Variants in LPAR1 observed in about 807,000 individuals in gnomAD.
The protein encoded by LPAR1 is LPA receptor 1.
Under a neutral mutation model 23.8 loss-of-function variants are expected in LPAR1, and 5 were observed. The observed-to-expected ratio is 0.21, with a 90% CI of 0.11 to 0.44. LPAR1 has a LOEUF of 0.44. Among genes scored for constraint, LPAR1 ranks in the 20% least tolerant of loss-of-function variants. LPAR1 has a pLI of 0.99. For missense variants in LPAR1, 311 were observed against 482.8 expected (o/e 0.64, Z 3.33); for synonymous variants, 160 against 164.7 (o/e 0.97, Z 0.22).
At chr9:110,919,651 A>C (rs2093472572) in intron 5 of LPAR1, among the ~76,000 whole-genome samples, 1 of 152,170 alleles carries the variant, frequency 6.6e-6, no homozygotes, top group Non-Finnish European at 1.5e-5. Context: ...TTCTCACATC[A>C]CTTAGCCAAG....
At chr9:110,950,977 T>C (rs980782092) in intron 4 of LPAR1, among the ~76,000 whole-genome samples, 2 of 152,074 alleles carry the variant, frequency 1.3e-5, no homozygotes, top group Admixed American at 6.6e-5. Flanking sequence ...CATTTTAAAG[T>C]GATGGTAGTT....
chr9:110,961,130 G>A (rs1210778468), intron 4 of LPAR1, among the ~76,000 whole-genome samples: 1 of 150,470 alleles, frequency 6.6e-6, no homozygotes, highest in East Asian at 1.9e-4. Flanking sequence ...TGAGCTAAGA[G>A]ACAGCAATAA....
intron 2 of LPAR1, among the ~76,000 whole-genome samples, chr9:110,993,325 T>A (rs2096932962): frequency 6.6e-6 from 1 of 152,180 alleles, no homozygotes; most frequent in Admixed American, 6.5e-5. Flanking sequence ...CCTGCCTGTG[T>A]CCATGTGTTC....
At chr9:111,021,265 C>T (rs759243574) in intron 2 of LPAR1, among the ~76,000 whole-genome samples, 29 of 152,166 alleles carry the variant, frequency 1.9e-4, no homozygotes, top group Middle Eastern at 6.8e-3. Flanking sequence ...TGTATATCAC[C>T]ATCATAAGTA....
At chr9:110,953,646 A>G (rs1214493156) in intron 4 of LPAR1, among the ~76,000 whole-genome samples, 1 of 148,042 alleles carries the variant, frequency 6.8e-6, no homozygotes, top group African/African-American at 2.5e-5. Context: ...CTGGGCAACA[A>G]GAGTGAAACT....
At chr9:110,883,694 TTC>T in intron 5 of LPAR1, among the ~76,000 whole-genome samples, 1 of 151,954 alleles carries the variant, frequency 6.6e-6, no homozygotes, top group East Asian at 1.9e-4. Context: ...TTTCTTTTTA[TTC>T]TCTCTTTTGT....
rs1294844279 is a variant in LPAR1, at chr9:110,942,021, A to G, written c.193T>C (p.Leu65=). ...LGITVCIFIM[L]ANLLVMVAIY... ...GCCACCATGACCAATAGGTTGGCCAACATGATGAAGATACAAACAGTGATT... is the reference window on the plus strand; with the variant it reads ...GCCACCATGACCAATAGGTTGGCCAGCATGATGAAGATACAAACAGTGATT... Residue 65 remains leucine, a synonymous_variant, in exon 5 of 6, where the codon TTG becomes CTG. Coordinates refer to ENST00000683809, the MANE Select transcript of LPAR1 (RefSeq NM_001351411.2). 4 of 1,614,094 alleles carry G rather than the reference A, an allele frequency of 2.5e-6. No homozygotes were observed. The highest frequency in any genetic ancestry group is 4.5e-5 in the East Asian group (2 of 44,888).
At chr9:110,921,063 G>A (rs561130473) in intron 5 of LPAR1, among the ~76,000 whole-genome samples, 13 of 152,234 alleles carry the variant, frequency 8.5e-5, no homozygotes, top group Non-Finnish European at 1.6e-4. Flanking sequence ...TTGAGCCCAG[G>A]AGTTTGAAGC....
At chr9:110,890,366 A>G (rs2083725432) in intron 5 of LPAR1, among the ~76,000 whole-genome samples, 1 of 152,230 alleles carries the variant, frequency 6.6e-6, no homozygotes, top group South Asian at 2.1e-4. Context: ...CAAACCACTA[A>G]GGAACATATT....
At chr9:111,037,959 A>T (rs954939848) in intron 1 of LPAR1, 2 of 151,976 alleles carry the variant, frequency 1.3e-5, no homozygotes, top group African/African-American at 4.8e-5. Flanking sequence ...GCCGGCTCGC[A>T]AGAACGCACG....
chr9:110,991,621 GTTT>G (rs879878639), intron 2 of LPAR1, among the ~76,000 whole-genome samples: 1,805 of 150,722 alleles, frequency 0.012, 25 homozygotes, highest in African/African-American at 0.041. Context: ...TGTTGTTGTT[GTTT>G]TTTGGGACAG....
chr9:110,988,580 C>T (rs746629896), intron 2 of LPAR1, among the ~76,000 whole-genome samples: 6 of 149,146 alleles, frequency 4.0e-5, no homozygotes, highest in Non-Finnish European at 8.9e-5. Flanking sequence ...ATTAGGGAAA[C>T]AAAAGCCAAA....
chr9:110,902,155 C>T (rs1033260527), intron 5 of LPAR1, among the ~76,000 whole-genome samples: 2 of 152,022 alleles, frequency 1.3e-5, no homozygotes, highest in East Asian at 1.9e-4. Flanking sequence ...GCCTCAATCT[C>T]GTAGCCAGCC....
chr9:110,937,588 T>C (rs948367579), intron 5 of LPAR1, among the ~76,000 whole-genome samples: 2 of 152,220 alleles, frequency 1.3e-5, no homozygotes, highest in Non-Finnish European at 2.9e-5. Flanking sequence ...AGGTAGCACA[T>C]GATTTATGCC....
chr9:110,924,126 G>C (rs1292106613), intron 5 of LPAR1, among the ~76,000 whole-genome samples: 1 of 151,262 alleles, frequency 6.6e-6, no homozygotes, highest in Non-Finnish European at 1.5e-5. Flanking sequence ...CAATCCCCTT[G>C]TGATAAATTG....
intron 5 of LPAR1, among the ~76,000 whole-genome samples, chr9:110,892,826 A>AAGGCAGGAAGGC (rs2084883350): frequency 1.5e-5 from 1 of 65,430 alleles, no homozygotes; most frequent in African/African-American, 8.1e-5. Flanking sequence ...GGAAGGAAGG[A>AAGGCAGGAAGGC]AGGCAGGCAG....
In LPAR1 at chr9:111,022,591, A is replaced by C. The variant is rs1035438086; in HGVS notation, c.-182+13531T>G. ...ATACTCACCCAACCATCTGATCTTC[A>C]CTTACAAAAAACTTAACTTCAGTGT... On this transcript the variant is annotated intron_variant, in intron 2 of 5. Coordinates refer to ENST00000683809, the MANE Select transcript of LPAR1 (RefSeq NM_001351411.2). Among the ~76,000 whole-genome samples, 3 of 152,340 alleles carry C rather than the reference A, an allele frequency of 2.0e-5. No homozygotes were observed. In the East Asian group the frequency reaches 5.8e-4, roughly 29 times the overall value.
intron 5 of LPAR1, among the ~76,000 whole-genome samples, chr9:110,918,724 T>G (rs2093394248): frequency 6.6e-6 from 1 of 152,312 alleles, no homozygotes; most frequent in Middle Eastern, 3.4e-3. Context: ...TAAAGAAAAC[T>G]TCAAAAAGAA....
At chr9:110,904,200 T>C (rs1287562437) in intron 5 of LPAR1, among the ~76,000 whole-genome samples, 1 of 152,150 alleles carries the variant, frequency 6.6e-6, no homozygotes, top group East Asian at 1.9e-4. Context: ...GATGGAATCA[T>C]GGAGCATTAG....
Sources: allele counts gnomAD v4.1 joint callset (sites outside exome capture counted in the v4.1 genomes callset), GRCh38; gene constraint gnomAD v4.1.1; transcripts MANE v1.5; gene names NCBI Gene and HGNC (gene_info 2026-07-23, HGNC 2026-07-21).